NELL2: variants seen among roughly 807,000 people sequenced by gnomAD.
NELL2 encodes the protein protein kinase C-binding protein NELL2.
NELL2 carries 41 observed loss-of-function variants against 109.6 expected under a neutral mutation model. The ratio of observed to expected loss-of-function variants is 0.37; its 90% CI spans 0.29 to 0.49. The LOEUF is 0.49. NELL2 is among the 20% of genes least tolerant of loss of function. The probability of loss-of-function intolerance (pLI) is 0.98; values close to 1 mark genes in which losing one functional copy is unlikely to be tolerated. For missense variants in NELL2, 900 were observed against 1,008.3 expected (o/e 0.89, Z 1.45); for synonymous variants, 355 against 344.7 (o/e 1.03, Z -0.33).
chr12:44,688,476 T>A (rs2136390217), intron 12 of NELL2, among the ~76,000 whole-genome samples: 1 of 152,360 alleles, frequency 6.6e-6, no homozygotes, highest in Middle Eastern at 3.4e-3. Flanking sequence ...ACATTTTTAA[T>A]CGTACTTAAT....
chr12:44,759,910 A>C (rs1941051271), intron 9 of NELL2, among the ~76,000 whole-genome samples: 5 of 152,142 alleles, frequency 3.3e-5, no homozygotes, highest in Admixed American at 2.6e-4. Context: ...ACCTCCTTTA[A>C]TGTGTATGGC....
intron 2 of NELL2, among the ~76,000 whole-genome samples, chr12:44,828,028 C>T (rs1003651559): frequency 6.6e-6 from 1 of 152,120 alleles, no homozygotes. Flanking sequence ...GATGGTATCT[C>T]ATTGTAGTTT....
chr12:44,717,111 A>G (rs1175508864), intron 9 of NELL2, among the ~76,000 whole-genome samples: 1 of 152,112 alleles, frequency 6.6e-6, no homozygotes, highest in African/African-American at 2.4e-5. Context: ...TTCTTTTTTG[A>G]TCAGTTGCTG....
intron 16 of NELL2, among the ~76,000 whole-genome samples, chr12:44,528,399 C>T (rs906408402): frequency 2.6e-5 from 4 of 152,006 alleles, no homozygotes; most frequent in Admixed American, 2.0e-4. Context: ...GCTGAACACT[C>T]GTGAATGCAT....
Position 44,873,436 on chromosome 12 carries a change from A to T in NELL2, c.184+1789T>A, listed in dbSNP as rs1945221406. Among the ~76,000 whole-genome samples the T allele has an allele frequency of 2.0e-5, 3 of 152,170 alleles. 1 individual carries two copies. The highest frequency in any genetic ancestry group is 2.0e-4 in the Admixed American group (3 of 15,278). ...CATTTTTAATTAACCAGGAAAAGTT[A>T]TCGATTCCTGAGACTATTTCCTAAA... On this transcript the variant is annotated intron_variant, in intron 2 of 19. Coordinates refer to ENST00000429094, the MANE Select transcript of NELL2 (RefSeq NM_001145108.2).
intron 1 of NELL2, 78 bp from the exon 2 acceptor site, chr12:44,875,431 A>C (rs748340469): frequency 6.2e-7 from 1 of 1,613,942 alleles, no homozygotes; most frequent in South Asian, 1.1e-5. Context: ...CAGGGCAGCA[A>C]AGAACCGCGT....
At chr12:44,879,422 G>A (rs1848519305), upstream of NELL2, among the ~76,000 whole-genome samples, 1 of 150,672 alleles carries the variant, frequency 6.6e-6, no homozygotes. Flanking sequence ...TGACTCTAAC[G>A]ACCCTTAGAT....
chr12:44,612,167 C>T (rs1396801780), intron 13 of NELL2, among the ~76,000 whole-genome samples: 3 of 151,464 alleles, frequency 2.0e-5, no homozygotes, highest in South Asian at 4.2e-4. Flanking sequence ...GTAATATATC[C>T]GTAAATTGTC....
chr12:44,889,737 C>G (rs1231671012), intron 1 of NELL2, among the ~76,000 whole-genome samples: 1 of 150,714 alleles, frequency 6.6e-6, no homozygotes, highest in Non-Finnish European at 1.5e-5. Context: ...TTAAAAATTC[C>G]ATTTTCAAAG....
chr12:44,792,975 T>C (rs1056318870), intron 3 of NELL2, among the ~76,000 whole-genome samples: 1 of 152,144 alleles, frequency 6.6e-6, no homozygotes, highest in South Asian at 2.1e-4. Context: ...AAATTCCAAT[T>C]ATTCATTCAT....
At chr12:44,610,489 G>A (rs758260667) in intron 14 of NELL2, among the ~76,000 whole-genome samples, 1 of 152,042 alleles carries the variant, frequency 6.6e-6, no homozygotes, top group Non-Finnish European at 1.5e-5. Context: ...AGAGGAACTT[G>A]GGATTAGACA....
chr12:44,522,162 C>T lies in NELL2; in HGVS notation c.2013G>A (p.Met671Ile), dbSNP rs142938699. Reference protein sequence around the residue: ...SVCSCQNGFVMCRRMVCDCEN... With the variant: ...SVCSCQNGFVICRRMVCDCEN... ...CACAGTCACAGACCATCCGTCGACACATAACGAATCCATTCTGTATGAAAA... is the reference window on the plus strand; with the variant it reads ...CACAGTCACAGACCATCCGTCGACATATAACGAATCCATTCTGTATGAAAA... Residue 671 changes from methionine (M) to isoleucine (I), a missense_variant, in exon 18 of 20, where the codon ATG becomes ATA. Met to Ile is a conservative substitution (Grantham distance 10). Transcript: ENST00000429094. 87 of 1,613,376 alleles carry T rather than the reference C, an allele frequency of 5.4e-5. No homozygotes were observed. Among genetic ancestry groups the T allele is most frequent in the Non-Finnish European group, 7.1e-5 (84 of 1,179,872 alleles).
chr12:44,526,155 A>T (rs1040122816), intron 16 of NELL2, among the ~76,000 whole-genome samples: 2 of 152,310 alleles, frequency 1.3e-5, no homozygotes, highest in African/African-American at 4.8e-5. Flanking sequence ...CAAAAAAAAA[A>T]TCACAATCTG....
chr12:44,657,921 A>C (rs148429903), intron 13 of NELL2, among the ~76,000 whole-genome samples: 2 of 152,106 alleles, frequency 1.3e-5, no homozygotes, highest in Non-Finnish European at 2.9e-5. Context: ...GCTATTGTGC[A>C]TAGTGCTGCA....
At chr12:44,732,914 A>G (rs184812993) in intron 9 of NELL2, among the ~76,000 whole-genome samples, 1 of 152,250 alleles carries the variant, frequency 6.6e-6, no homozygotes, top group African/African-American at 2.4e-5. Flanking sequence ...TCTCCAAAAA[A>G]GATATATAAA....
intron 1 of NELL2, among the ~76,000 whole-genome samples, chr12:44,908,199 A>T (rs143550636): frequency 6.6e-6 from 1 of 151,994 alleles, no homozygotes; most frequent in African/African-American, 2.4e-5. Context: ...ATTTGAAGTG[A>T]GACCCATAAG....
At chr12:44,522,797 CTTTA>C (rs1433121416) in intron 17 of NELL2, 3 of 155,534 alleles carry the variant, frequency 1.9e-5, no homozygotes, top group African/African-American at 7.2e-5. Flanking sequence ...TTCATTCTGA[CTTTA>C]TTTATGCAGT....
At chr12:44,684,230 T>C (rs1012183732) in intron 12 of NELL2, among the ~76,000 whole-genome samples, 7 of 152,374 alleles carry the variant, frequency 4.6e-5, no homozygotes, top group African/African-American at 1.7e-4. Context: ...TATTCTCTGA[T>C]GGTAGTTTGT....
At chr12:44,509,135 T>C in intron 19 of NELL2, 151 bp from the exon 20 acceptor site, 1 of 665,232 alleles carries the variant, frequency 1.5e-6, no homozygotes, top group South Asian at 2.0e-5. Context: ...TTCATGACTC[T>C]ACTATTGCAG....
Sources: allele counts gnomAD v4.1 joint callset (sites outside exome capture counted in the v4.1 genomes callset), GRCh38; gene constraint gnomAD v4.1.1; transcripts MANE v1.5; gene names NCBI Gene and HGNC (gene_info 2026-07-23, HGNC 2026-07-21).